The following CNTRL variants were observed in gnomAD, a reference collection of about 807,000 sequenced individuals.
The protein encoded by CNTRL is centriolin.
Under a neutral mutation model 303.7 loss-of-function variants are expected in CNTRL, and 233 were observed. That is an observed-to-expected ratio of 0.77 (90% CI 0.69 to 0.86). CNTRL has a LOEUF of 0.86. Ranked by LOEUF, CNTRL falls within the 40% of genes least tolerant of loss-of-function variation. The pLI, the probability that CNTRL is intolerant of heterozygous loss-of-function variation, is 0.00. For missense variants in CNTRL, 2,524 were observed against 2,650.6 expected, an observed-to-expected ratio of 0.95 and a Z score of 1.05; for synonymous variants, 900 against 922.2, an observed-to-expected ratio of 0.98 and a Z score of 0.44.
intron 10 of CNTRL, 79 bp downstream of exon 10, chr9:121,113,803 C>A: frequency 1.1e-6 from 1 of 880,138 alleles, no homozygotes; most frequent in African/African-American, 1.7e-5. Flanking sequence ...TTTTATAAGT[C>A]TTTTAATTGA....
chr9:121,082,577 T>C (rs1252638430), intron 2 of CNTRL, among the ~76,000 whole-genome samples: 2 of 152,236 alleles, frequency 1.3e-5, no homozygotes, highest in Non-Finnish European at 2.9e-5. Flanking sequence ...CTAGATGGTA[T>C]AGGATAGCCT....
In CNTRL at chr9:121,118,454, C is replaced by G; in HGVS notation, c.1564C>G (p.Gln522Glu). 6.2e-7 allele frequency: 1 copy of G among 1,612,844 alleles called. No homozygotes were observed. The highest frequency in any genetic ancestry group is 2.2e-5 in the East Asian group (1 of 44,852). ...ALDLELQMEKQKQEIAGKQKE... is the reference protein window; with the variant it reads ...ALDLELQMEKEKQEIAGKQKE... ...GGATCTAGAACTGCAGATGGAAAAG[C>G]AAAAGCAGGAAATTGCCGGAAAGCA... The change falls in exon 12 of 44, where the codon CAA (glutamine) becomes GAA (glutamate). Residue 522 changes from glutamine (Q) to glutamate (E), a missense_variant. Gln to Glu is a conservative substitution (Grantham distance 29). Coordinates refer to ENST00000373855, the MANE Select transcript of CNTRL (RefSeq NM_007018.6).
intron 12 of CNTRL, among the ~76,000 whole-genome samples, chr9:121,118,905 AG>A (rs2050098838): frequency 6.6e-6 from 1 of 152,198 alleles, no homozygotes; most frequent in African/African-American, 2.4e-5. Flanking sequence ...GGATGTCCAT[AG>A]GTTAAATACA....
Position 121,141,492 on chromosome 9 carries a change from G to C in CNTRL, c.2595G>C (p.Glu865Asp), listed in dbSNP as rs752484507. Residue 865 changes from glutamate (E) to aspartate (D), a missense_variant, in exon 18 of 44, where the codon GAG becomes GAC. Coordinates refer to ENST00000373855, the MANE Select transcript of CNTRL (RefSeq NM_007018.6). ...AAAGAGATGAAGCACAAGTTAGAGA[G>C]AGAAAACTCCAAGAAGAAATGGCTC... ...KWERDEAQVR[E>D]RKLQEEMALQ... 1 of 1,614,098 alleles carries C rather than the reference G, an allele frequency of 6.2e-7. No homozygotes were observed. The highest frequency in any genetic ancestry group is 2.2e-5 in the East Asian group (1 of 44,876).
chr9:121,129,165 G>A (rs965037927), intron 14 of CNTRL, among the ~76,000 whole-genome samples: 6 of 151,950 alleles, frequency 3.9e-5, no homozygotes, highest in African/African-American at 9.7e-5. Context: ...TAGTTTTTTC[G>A]AACTCTGTGA....
chr9:121,078,113 C>T (rs2047999873), intron 1 of CNTRL, among the ~76,000 whole-genome samples: 1 of 151,958 alleles, frequency 6.6e-6, no homozygotes, highest in East Asian at 1.9e-4. Flanking sequence ...AGCTTAGCAG[C>T]ATCAATAGTA....
chr9:121,123,797 A>G, intron 12 of CNTRL, 134 bp from the exon 13 acceptor site: 1 of 623,266 alleles, frequency 1.6e-6, no homozygotes, highest in Non-Finnish European at 2.5e-6. Flanking sequence ...TGAAAACAAT[A>G]TAGGGCCTGA....
chr9:121,175,671 C>T (rs980344452), intron 43 of CNTRL, among the ~76,000 whole-genome samples: 3 of 152,222 alleles, frequency 2.0e-5, no homozygotes, highest in African/African-American at 7.2e-5. Flanking sequence ...TAGATTATGC[C>T]GCCTTCAACT....
intron 1 of CNTRL, among the ~76,000 whole-genome samples, chr9:121,078,689 C>G (rs1205966805): frequency 6.6e-6 from 1 of 152,210 alleles, no homozygotes; most frequent in African/African-American, 2.4e-5. Context: ...TCTGACTGAC[C>G]AGCTATAAAT....
In CNTRL at chr9:121,162,163, C is replaced by G; in HGVS notation, c.5315C>G (p.Thr1772Ser). 6.2e-7 allele frequency: 1 copy of G among 1,614,114 alleles called. No homozygotes were observed. Among genetic ancestry groups the G allele is most frequent in the Non-Finnish European group, 8.5e-7 (1 of 1,179,988 alleles). Reference protein sequence around the residue: ...ERDKREIERMTAESRALQSCV... With the variant: ...ERDKREIERMSAESRALQSCV... Reference sequence around the variant, plus strand: ...GATAAACGAGAAATAGAACGAATGACTGCTGAGTCCCGAGCTTTACAATCG... The same window carrying G: ...GATAAACGAGAAATAGAACGAATGAGTGCTGAGTCCCGAGCTTTACAATCG... The change falls in exon 34 of 44, where the codon ACT becomes AGT. Residue 1772 changes from threonine (T) to serine (S), a missense_variant. Coordinates refer to ENST00000373855, the MANE Select transcript of CNTRL (RefSeq NM_007018.6).
chr9:121,162,939 TAGAGA>T (rs2052919164), intron 34 of CNTRL, among the ~76,000 whole-genome samples: 1 of 152,152 alleles, frequency 6.6e-6, no homozygotes, highest in African/African-American at 2.4e-5. Context: ...TCTTTTTCAG[TAGAGA>T]AAAGATGGTC....
chr9:121,169,659 A>G lies in CNTRL; in HGVS notation c.6119A>G (p.Glu2040Gly). Residue 2040 changes from glutamate (E) to glycine (G), a missense_variant, in exon 39 of 44, where the codon GAG becomes GGG. By Grantham distance (98) the Glu-to-Gly change is moderately conservative. Coordinates refer to ENST00000373855, the MANE Select transcript of CNTRL (RefSeq NM_007018.6). ...CAGCAATTGGTGGAGAAATCAGGTG[A>G]GCTGTTGGCCCTCCAGAAAGAGGCA... ...REQQLVEKSGELLALQKEADS... is the reference protein window; with the variant it reads ...REQQLVEKSGGLLALQKEADS... 1 of 1,614,158 alleles carries G rather than the reference A, an allele frequency of 6.2e-7. No individual in the cohort carries two copies. The highest frequency in any genetic ancestry group is 1.7e-4 in the Middle Eastern group (1 of 6,060).
At chr9:121,095,781 A>G (rs1471369339) in intron 5 of CNTRL, among the ~76,000 whole-genome samples, 1 of 152,222 alleles carries the variant, frequency 6.6e-6, no homozygotes, top group African/African-American at 2.4e-5. Context: ...AGAAGCTTAG[A>G]AATATTTACC....
intron 1 of CNTRL, 77 bp from the exon 2 acceptor site, chr9:121,080,229 G>C (rs2048088764): frequency 1.6e-5 from 1 of 60,990 alleles, no homozygotes; most frequent in Admixed American, 2.5e-4. Flanking sequence ...TCATAGAGTT[G>C]TTGTATTCAA....
At position 121,156,099 on chromosome 9, in the gene CNTRL, T is replaced by C. The variant is rs531473095; in HGVS notation, c.4365+1186T>C. 5.9e-5 allele frequency among the ~76,000 whole-genome samples: 9 copies of C among 151,968 alleles called. No individual in the cohort carries two copies. In the South Asian group the frequency reaches 1.9e-3, roughly 32 times the overall value. ...GTGAGCAGAACTAGAGGAAAAAAAATCACTGGTATAATAATATATAATAAG... is the reference window on the plus strand; with the variant it reads ...GTGAGCAGAACTAGAGGAAAAAAAACCACTGGTATAATAATATATAATAAG... On this transcript the variant is annotated intron_variant, in intron 27 of 43. Transcript: ENST00000373855.
At chr9:121,130,587 G>T (rs1380615140) in intron 14 of CNTRL, among the ~76,000 whole-genome samples, 1 of 152,042 alleles carries the variant, frequency 6.6e-6, no homozygotes, top group Non-Finnish European at 1.5e-5. Context: ...ACCAGCTCCT[G>T]GATTCACTGA....
Position 121,088,507 on chromosome 9 carries a change from G to A in CNTRL, c.181G>A (p.Glu61Lys). The change falls in exon 3 of 44, where the codon GAA (glutamate) becomes AAA (lysine). Residue 61 changes from glutamate (E) to lysine (K), a missense_variant. Glu to Lys is a moderately conservative substitution (Grantham distance 56). Transcript: ENST00000373855. ...QWCEQVEIADENNMLLDYQDH... is the reference protein window; with the variant it reads ...QWCEQVEIADKNNMLLDYQDH... ...GTGTGAGCAAGTTGAGATTGCAGAT[G>A]AAAACAATATGCTTTTGGACTATCA... is the stretch of plus-strand genomic sequence containing the variant. 1 of 1,611,328 alleles carries A rather than the reference G, an allele frequency of 6.2e-7. No homozygotes were observed.
At chr9:121,150,727 A>G in intron 25 of CNTRL, 1 of 462,326 alleles carries the variant, frequency 2.2e-6, no homozygotes, top group Non-Finnish European at 3.8e-6. Flanking sequence ...CTAGGAATTC[A>G]AGGCCAGCCC....
intron 1 of CNTRL, 37 bp downstream of exon 1, chr9:121,075,104 T>A (rs2047858777): frequency 2.7e-6 from 1 of 373,772 alleles, no homozygotes; most frequent in African/African-American, 2.1e-5. Flanking sequence ...TTCCCCGGCA[T>A]CCGGCCCGAG....
Sources: allele counts gnomAD v4.1 joint callset (sites outside exome capture counted in the v4.1 genomes callset), GRCh38; gene constraint gnomAD v4.1.1; transcripts MANE v1.5; gene names NCBI Gene and HGNC (gene_info 2026-07-23, HGNC 2026-07-21).